Variants in NR3C2 observed in about 807,000 individuals in gnomAD.
NR3C2 encodes the protein mineralocorticoid receptor.
A neutral mutation model predicts 86.4 loss-of-function variants in NR3C2; 15 were observed. That is an observed-to-expected ratio of 0.17 (90% CI 0.12 to 0.27). The LOEUF is 0.27. Among genes scored for constraint, NR3C2 ranks in the 10% least tolerant of loss-of-function variants. The probability of loss-of-function intolerance (pLI) is 1.00; values close to 1 mark genes in which losing one functional copy is unlikely to be tolerated. For synonymous variants in NR3C2, 458 were observed against 450.5 expected, an observed-to-expected ratio of 1.02 and a Z score of -0.21; for missense variants, 960 against 1,195.6, an observed-to-expected ratio of 0.80 and a Z score of 2.91.
intron 2 of NR3C2, among the ~76,000 whole-genome samples, chr4:148,416,925 GC>G (rs1360472010): frequency 6.6e-6 from 1 of 151,712 alleles, no homozygotes; most frequent in Non-Finnish European, 1.5e-5. Flanking sequence ...ACAGGTGCCT[GC>G]CACCATGCCC....
upstream of NR3C2, chr4:148,443,096 C>T (rs1157612143): frequency 4.5e-6 from 2 of 446,868 alleles, no homozygotes; most frequent in Non-Finnish European, 5.9e-6. Context: ...CTCAGCAGAG[C>T]AGCAGCAGCC....
intron 3 of NR3C2, among the ~76,000 whole-genome samples, chr4:148,201,833 T>A (rs1390322826): frequency 6.6e-6 from 1 of 152,174 alleles, no homozygotes; most frequent in East Asian, 1.9e-4. Flanking sequence ...CTCCTCTACC[T>A]ATATCTGGAA....
intron 5 of NR3C2, among the ~76,000 whole-genome samples, chr4:148,153,727 CAA>C (rs55943127): frequency 1.1e-4 from 17 of 151,076 alleles, no homozygotes; most frequent in Admixed American, 7.2e-4. Context: ...TACCATGAAA[CAA>C]AAAAAAATGA....
intron 2 of NR3C2, among the ~76,000 whole-genome samples, chr4:148,402,379 CT>C (rs1391135446): frequency 1.3e-5 from 2 of 152,208 alleles, no homozygotes; most frequent in African/African-American, 4.8e-5. Flanking sequence ...TACAACTGTA[CT>C]GTAGGCAGAG....
At chr4:148,298,611 A>G (rs1478202103) in intron 2 of NR3C2, among the ~76,000 whole-genome samples, 2 of 152,220 alleles carry the variant, frequency 1.3e-5, no homozygotes, top group African/African-American at 4.8e-5. Context: ...ATTTATGTGG[A>G]TATCTTAGAA....
chr4:148,364,697 T>A (rs533308838), intron 2 of NR3C2, among the ~76,000 whole-genome samples: 9 of 152,338 alleles, frequency 5.9e-5, no homozygotes, highest in African/African-American at 2.2e-4. Flanking sequence ...TTGATGGGTG[T>A]AGTCATCATG....
chr4:148,351,080 A>G (rs1745249283), intron 2 of NR3C2, among the ~76,000 whole-genome samples: 2 of 118,966 alleles, frequency 1.7e-5, no homozygotes, highest in African/African-American at 6.0e-5. Context: ...ACACTTAAAT[A>G]GTGTTGCATA....
intron 1 of NR3C2, among the ~76,000 whole-genome samples, chr4:148,437,520 T>TAA (rs1750137614): frequency 6.6e-6 from 1 of 152,238 alleles, no homozygotes; most frequent in East Asian, 1.9e-4. Flanking sequence ...AAAAGATCTA[T>TAA]ACATTCTGAT....
intron 8 of NR3C2, among the ~76,000 whole-genome samples, chr4:148,101,061 A>G (rs191105635): frequency 3.3e-5 from 5 of 152,264 alleles, no homozygotes; most frequent in East Asian, 1.9e-4. Context: ...GTTTTGCAGG[A>G]CAAAGAGCTC....
intron 2 of NR3C2, among the ~76,000 whole-genome samples, chr4:148,331,730 G>A (rs1744245170): frequency 6.6e-6 from 1 of 152,152 alleles, no homozygotes; most frequent in Admixed American, 6.5e-5. Flanking sequence ...ATATTCTGAT[G>A]TTTCACATCC....
chr4:148,291,217 T>C (rs1741782935), intron 2 of NR3C2, among the ~76,000 whole-genome samples: 1 of 152,090 alleles, frequency 6.6e-6, no homozygotes, highest in Non-Finnish European at 1.5e-5. Context: ...ATTACAAACC[T>C]GTAATTAGAT....
intron 2 of NR3C2, among the ~76,000 whole-genome samples, chr4:148,347,414 A>G (rs1745049338): frequency 6.6e-6 from 1 of 152,092 alleles, no homozygotes; most frequent in African/African-American, 2.4e-5. Context: ...TCTATCTTCA[A>G]CCGACATCTC....
chr4:148,372,692 CA>C (rs1279667156), intron 2 of NR3C2, among the ~76,000 whole-genome samples: 12 of 152,092 alleles, frequency 7.9e-5, no homozygotes, highest in Non-Finnish European at 1.8e-4. Flanking sequence ...CTTTATTCTT[CA>C]AAGACATTAA....
rs1560908090 is a variant in NR3C2, at chr4:148,079,588, G to C, written c.*1756C>G. 1 of 152,530 alleles carries C rather than the reference G, an allele frequency of 6.6e-6. No individual in the cohort carries two copies. The highest frequency in any genetic ancestry group is 1.9e-4 in the East Asian group (1 of 5,200). The allele number at this position is 152,530 out of a possible 1,614,324, so 9.4% of individuals were successfully genotyped here. ...GCCTCTATTCAAAGTAGTTTATTTA[G>C]TGCAATCATATTGTTAGTTTCCCCA... On this transcript the variant is annotated 3_prime_UTR_variant, in exon 9 of 9. Transcript: ENST00000358102.
chr4:148,243,032 T>TG (rs1377220339), intron 3 of NR3C2, among the ~76,000 whole-genome samples: 3 of 151,756 alleles, frequency 2.0e-5, no homozygotes, highest in Non-Finnish European at 4.4e-5. Context: ...GGTTTTTTTT[T>TG]TTTTTTTTAA....
chr4:148,273,472 A>AT (rs1046973678), intron 2 of NR3C2, among the ~76,000 whole-genome samples: 1 of 152,162 alleles, frequency 6.6e-6, no homozygotes, highest in Non-Finnish European at 1.5e-5. Flanking sequence ...TGGTCGCTAA[A>AT]TTTTTTTATA....
chr4:148,441,967 C>T (rs1423049440), intron 1 of NR3C2, among the ~76,000 whole-genome samples, 193 bp downstream of exon 1: 1 of 152,244 alleles, frequency 6.6e-6, no homozygotes, highest in Non-Finnish European at 1.5e-5. Flanking sequence ...AGTGGCCAAA[C>T]TTTCCCAAAA....
At chr4:148,375,345 A>G (rs1746621516) in intron 2 of NR3C2, among the ~76,000 whole-genome samples, 1 of 151,766 alleles carries the variant, frequency 6.6e-6, no homozygotes, top group South Asian at 2.1e-4. Flanking sequence ...AATCCCAGCT[A>G]CTCGGGAGGC....
chr4:148,368,903 G>C (rs1746279311), intron 2 of NR3C2, among the ~76,000 whole-genome samples: 1 of 152,182 alleles, frequency 6.6e-6, no homozygotes. Flanking sequence ...ACACTAGGCT[G>C]GAGACATTTT....
Sources: gnomAD v4.1 joint callset for allele counts (sites outside exome capture counted in the v4.1 genomes callset) on GRCh38, gnomAD v4.1.1 for gene constraint, MANE v1.5 for transcripts, NCBI Gene and HGNC (gene_info 2026-07-23, HGNC 2026-07-21) for gene names.